The following ZCWPW2 variants were observed in gnomAD, a reference collection of about 807,000 sequenced individuals.
The protein encoded by ZCWPW2 is zinc finger CW-type PWWP domain protein 2.
ZCWPW2 carries 45 observed loss-of-function variants against 46.6 expected under a neutral mutation model. The ratio of observed to expected loss-of-function variants is 0.96; its 90% CI spans 0.76 to 1.24. The LOEUF (loss-of-function observed/expected upper bound fraction) is 1.24, where lower values mean the gene tolerates loss of function less well. Ranked by LOEUF, ZCWPW2 falls within the 50% of genes most tolerant of loss-of-function variation. ZCWPW2 has a pLI of 0.00. For missense variants in ZCWPW2, 429 were observed against 403.9 expected, an observed-to-expected ratio of 1.06 and a Z score of -0.53; for synonymous variants, 152 against 137.1, an observed-to-expected ratio of 1.11 and a Z score of -0.76.
intron 2 of ZCWPW2, among the ~76,000 whole-genome samples, chr3:28,407,719 T>C (rs1696221931): frequency 6.6e-6 from 1 of 152,214 alleles, no homozygotes; most frequent in Admixed American, 6.5e-5. Flanking sequence ...TATTTTGTTT[T>C]TCTGCATTTT....
intron 1 of ZCWPW2, among the ~76,000 whole-genome samples, chr3:28,385,957 A>G (rs1321100661): frequency 3.3e-5 from 5 of 150,592 alleles, no homozygotes; most frequent in Non-Finnish European, 1.5e-5. Flanking sequence ...TTAAATATAT[A>G]CATTGTATCC....
At chr3:28,489,635 C>G (rs563183799) in intron 5 of ZCWPW2, among the ~76,000 whole-genome samples, 2 of 149,108 alleles carry the variant, frequency 1.3e-5, no homozygotes, top group Non-Finnish European at 3.0e-5. Context: ...AGATCTCTCT[C>G]TTTCTTTCTC....
chr3:28,383,165 A>C (rs1695159507), intron 1 of ZCWPW2, among the ~76,000 whole-genome samples: 1 of 152,122 alleles, frequency 6.6e-6, no homozygotes, highest in Admixed American at 6.6e-5. Flanking sequence ...ATACTCAATA[A>C]GGTGTTTAAT....
chr3:28,358,548 G>A (rs1240178939), intron 1 of ZCWPW2, among the ~76,000 whole-genome samples: 1 of 152,094 alleles, frequency 6.6e-6, no homozygotes, highest in Non-Finnish European at 1.5e-5. Flanking sequence ...TGTCCTAGAT[G>A]AAAACATATT....
intron 4 of ZCWPW2, among the ~76,000 whole-genome samples, chr3:28,453,797 ATATTTATT>A (rs202155639): frequency 0.017 from 2,557 of 148,162 alleles, 72 homozygotes; most frequent in African/African-American, 0.058. Context: ...ATAATTGTGT[ATATTTATT>A]TATTTATTTA....
chr3:28,438,367 A>C (rs1170887299), intron 4 of ZCWPW2, among the ~76,000 whole-genome samples: 1 of 152,220 alleles, frequency 6.6e-6, no homozygotes, highest in Non-Finnish European at 1.5e-5. Context: ...GACATTAAAC[A>C]TAGGACATTT....
intron 6 of ZCWPW2, among the ~76,000 whole-genome samples, chr3:28,499,885 G>T (rs6799999): frequency 6.6e-6 from 1 of 151,850 alleles, no homozygotes; most frequent in African/African-American, 2.4e-5. Flanking sequence ...AACATTTTCT[G>T]ATTTTCCTTT....
At chr3:28,441,421 G>T (rs543712471) in intron 4 of ZCWPW2, among the ~76,000 whole-genome samples, 1 of 152,174 alleles carries the variant, frequency 6.6e-6, no homozygotes, top group Non-Finnish European at 1.5e-5. Flanking sequence ...ACAACCAGGT[G>T]CACTGCTTGA....
At position 28,514,088 on chromosome 3, in the gene ZCWPW2, GAA is replaced by G; in HGVS notation, c.685_686del (p.Lys229GlufsTer6). On this transcript the variant is annotated frameshift_variant, in exon 7 of 10. Transcript: ENST00000383768. LOFTEE classifies it high-confidence loss of function. ...KRKQTSKNNI[E>X]KKKPKFRKRK... Reference sequence around the variant, plus strand: ...GAAGCAGACTTCTAAAAATAATATTGAAAAGAAGAAGCCCAAATTTAGAAAAA... The same window carrying G: ...GAAGCAGACTTCTAAAAATAATATTGAAGAAGAAGCCCAAATTTAGAAAAA... 6.6e-7 allele frequency: 1 copy of G among 1,505,928 alleles called. No individual in the cohort carries two copies. Among genetic ancestry groups the G allele is most frequent in the Non-Finnish European group, 9.1e-7 (1 of 1,100,478 alleles). 93.3% of individuals were successfully genotyped at this position (1,505,928 alleles called of 1,614,324 possible). A position where few individuals can be genotyped will look rare whatever the true frequency, so the allele number is the denominator to read the frequency against.
intron 3 of ZCWPW2, among the ~76,000 whole-genome samples, chr3:28,414,107 T>C (rs1220867459): frequency 6.6e-6 from 1 of 152,056 alleles, no homozygotes; most frequent in Non-Finnish European, 1.5e-5. Flanking sequence ...TTGCATTGCT[T>C]TGATTTTCTT....
At chr3:28,458,128 A>C (rs1698491196) in intron 4 of ZCWPW2, among the ~76,000 whole-genome samples, 1 of 152,182 alleles carries the variant, frequency 6.6e-6, no homozygotes, top group Non-Finnish European at 1.5e-5. Context: ...GTAGTGAAAC[A>C]ATATCGTTTT....
chr3:28,510,920 A>G (rs2125831309), intron 6 of ZCWPW2: 1 of 365,616 alleles, frequency 2.7e-6, no homozygotes, highest in East Asian at 7.2e-5. Flanking sequence ...GGAATGAAAC[A>G]ATTAGAACAG....
intron 5 of ZCWPW2, among the ~76,000 whole-genome samples, chr3:28,486,490 G>A (rs1307987447): frequency 1.3e-5 from 2 of 151,774 alleles, no homozygotes; most frequent in African/African-American, 2.4e-5. Flanking sequence ...ACTTCTTTTA[G>A]TGTTTCTTGG....
chr3:28,356,161 A>G (rs1704722963), intron 1 of ZCWPW2, among the ~76,000 whole-genome samples: 1 of 152,216 alleles, frequency 6.6e-6, no homozygotes, highest in South Asian at 2.1e-4. Context: ...ACAAGAAAAA[A>G]TCAAACAACC....
In ZCWPW2 at chr3:28,492,200, T is replaced by A. The variant is rs761929778; in HGVS notation, c.657+27T>A. ...TAAGATTGTGTTTTATTATATAAAA[T>A]ATACAAACTTCAAATTTCATTTAAC... is the stretch of plus-strand genomic sequence containing the variant. On this transcript the variant is annotated intron_variant, in intron 6 of 9. Coordinates refer to ENST00000383768, the MANE Select transcript of ZCWPW2 (RefSeq NM_001040432.4). 10 of 1,560,468 alleles carry A rather than the reference T, an allele frequency of 6.4e-6. No homozygotes were observed. In the African/African-American group the frequency reaches 1.2e-4, roughly 19 times the overall value.
At chr3:28,369,512 T>C (rs1279195810) in intron 1 of ZCWPW2, among the ~76,000 whole-genome samples, 1 of 152,166 alleles carries the variant, frequency 6.6e-6, no homozygotes, top group Non-Finnish European at 1.5e-5. Flanking sequence ...ATCATTCCTC[T>C]GGAAGTTTTG....
intron 1 of ZCWPW2, among the ~76,000 whole-genome samples, chr3:28,361,187 C>A (rs1704927067): frequency 6.6e-6 from 1 of 152,066 alleles, no homozygotes; most frequent in Non-Finnish European, 1.5e-5. Flanking sequence ...GACACACAGA[C>A]CAATGGAACA....
chr3:28,474,081 C>A (rs1009856632), intron 4 of ZCWPW2, among the ~76,000 whole-genome samples: 8 of 152,016 alleles, frequency 5.3e-5, no homozygotes, highest in African/African-American at 1.7e-4. Context: ...CCCCATTTAC[C>A]CTGATCTAAT....
At chr3:28,430,331 C>G (rs1023529746) in intron 3 of ZCWPW2, among the ~76,000 whole-genome samples, 1 of 152,254 alleles carries the variant, frequency 6.6e-6, no homozygotes, top group Non-Finnish European at 1.5e-5. Flanking sequence ...TATGGACTTA[C>G]ATGGGGCCTG....
Sources: gnomAD v4.1 joint callset for allele counts (sites outside exome capture counted in the v4.1 genomes callset) on GRCh38, gnomAD v4.1.1 for gene constraint, MANE v1.5 for transcripts, NCBI Gene and HGNC (gene_info 2026-07-23, HGNC 2026-07-21) for gene names.